Variants in DIAPH2 observed in about 807,000 individuals in gnomAD.
DIAPH2 encodes protein diaphanous homolog 2.
Under a neutral mutation model 92.7 loss-of-function variants are expected in DIAPH2, and 35 were observed. The observed-to-expected ratio is 0.38, with a 90% CI of 0.29 to 0.50. DIAPH2 has a LOEUF of 0.50. Among genes scored for constraint, DIAPH2 ranks in the 20% least tolerant of loss-of-function variants. The pLI is 0.94. For synonymous variants in DIAPH2, 301 were observed against 280.4 expected (o/e 1.07, Z -0.73); for missense variants, 701 against 819.5 (o/e 0.86, Z 1.77).
intron 9 of DIAPH2, among the ~76,000 whole-genome samples, chrX:96,923,855 C>A (rs968423600): frequency 2.7e-5 from 3 of 111,647 alleles, no homozygotes; most frequent in African/African-American, 9.8e-5. Flanking sequence ...TTAGTGATGA[C>A]CCTGACTCAA....
intron 4 of DIAPH2, among the ~76,000 whole-genome samples, chrX:96,862,450 TTTAAG>T: frequency 8.9e-6 from 1 of 111,908 alleles, no homozygotes; most frequent in East Asian, 2.8e-4. Flanking sequence ...TCATCCTTTC[TTTAAG>T]TTCCCTGAAG....
At chrX:96,923,919 T>C (rs2065562993) in intron 9 of DIAPH2, among the ~76,000 whole-genome samples, 1 of 111,913 alleles carries the variant, frequency 8.9e-6, no homozygotes, top group Non-Finnish European at 1.9e-5. Flanking sequence ...GTGGGAATTA[T>C]ATAATTCATT....
At chrX:97,343,265 G>A (rs778459120) in intron 23 of DIAPH2, among the ~76,000 whole-genome samples, 16 of 111,543 alleles carry the variant, frequency 1.4e-4, no homozygotes, top group Admixed American at 4.8e-4. Flanking sequence ...AAATTTGGGC[G>A]TCATCAATAT....
At position 97,040,804 on chromosome X, in the gene DIAPH2, T is replaced by C. The variant is rs749826059; in HGVS notation, c.2051-32137T>C. ...AATTTGAAAATGTGCTATTCATTTT[T>C]TAAATAGACTATTTTGTAGAGCAGT... On this transcript the variant is annotated intron_variant, in intron 17 of 26. Transcript: ENST00000324765. Among the ~76,000 whole-genome samples the C allele has an allele frequency of 9.0e-5, 10 of 110,867 alleles. No individual in the cohort carries two copies. The Admixed American group carries it at 9.6e-4, about 11-fold the overall frequency.
intron 22 of DIAPH2, among the ~76,000 whole-genome samples, chrX:97,204,491 A>G (rs767264321): frequency 8.0e-5 from 9 of 112,271 alleles, no homozygotes; most frequent in South Asian, 3.7e-4. Context: ...TACAAAATCA[A>G]TGTGCAAAAA....
chrX:97,568,691 A>G (rs943483498), intron 26 of DIAPH2, among the ~76,000 whole-genome samples: 6 of 111,888 alleles, frequency 5.4e-5, no homozygotes, highest in African/African-American at 1.3e-4. Context: ...GAGAAAGGAA[A>G]TTTCCTAGAA....
intron 21 of DIAPH2, among the ~76,000 whole-genome samples, chrX:97,134,392 G>A (rs1218355875): frequency 8.9e-6 from 1 of 111,896 alleles, no homozygotes; most frequent in Non-Finnish European, 1.9e-5. Flanking sequence ...ATATGTAAAA[G>A]CAGTTGTGAG....
At chrX:97,122,301 G>A (rs1445063950) in intron 21 of DIAPH2, among the ~76,000 whole-genome samples, 1 of 111,757 alleles carries the variant, frequency 8.9e-6, no homozygotes, top group Non-Finnish European at 1.9e-5. Context: ...TATCCAAGCA[G>A]CAGAGCCTAT....
intron 5 of DIAPH2, among the ~76,000 whole-genome samples, chrX:96,908,596 T>A (rs976676952): frequency 9.0e-6 from 1 of 110,925 alleles, no homozygotes; most frequent in East Asian, 2.8e-4. Context: ...GATTCCTTTT[T>A]TTTGTTTGTT....
chrX:97,217,932 C>T (rs1001300293), intron 22 of DIAPH2, among the ~76,000 whole-genome samples: 3 of 110,460 alleles, frequency 2.7e-5, no homozygotes, highest in Admixed American at 9.7e-5. Flanking sequence ...GGCAACAGAG[C>T]GATATGCCAT....
chrX:96,886,066 G>A (rs918855019), intron 5 of DIAPH2, among the ~76,000 whole-genome samples: 2 of 109,615 alleles, frequency 1.8e-5, no homozygotes, highest in Non-Finnish European at 3.8e-5. Flanking sequence ...TATCCTTGAG[G>A]ATTAATAGTT....
At chrX:97,329,430 T>C (rs1256200778) in intron 23 of DIAPH2, among the ~76,000 whole-genome samples, 2 of 112,459 alleles carry the variant, frequency 1.8e-5, no homozygotes, top group Non-Finnish European at 3.8e-5. Flanking sequence ...CATTAAATCT[T>C]ATTTCAGAGT....
intron 25 of DIAPH2, among the ~76,000 whole-genome samples, chrX:97,422,927 T>G (rs141561009): frequency 4.6e-4 from 51 of 112,042 alleles, no homozygotes; most frequent in African/African-American, 1.5e-3. Flanking sequence ...CACACAAGAC[T>G]CCTGGGTCAG....
At chrX:97,278,837 C>A (rs2068472986) in intron 23 of DIAPH2, among the ~76,000 whole-genome samples, 1 of 112,271 alleles carries the variant, frequency 8.9e-6, no homozygotes, top group Non-Finnish European at 1.9e-5. Context: ...AGGGTCTGCA[C>A]CACTGGTTCT....
intron 22 of DIAPH2, among the ~76,000 whole-genome samples, chrX:97,211,266 G>A (rs747506486): frequency 5.4e-5 from 6 of 111,145 alleles, no homozygotes; most frequent in East Asian, 2.8e-4. Context: ...TATATAAGAT[G>A]AAGTCAGGGC....
At chrX:96,988,693 T>C (rs921529504) in intron 17 of DIAPH2, among the ~76,000 whole-genome samples, 1 of 111,720 alleles carries the variant, frequency 9.0e-6, no homozygotes, top group African/African-American at 3.2e-5. Context: ...ATAAATTGTA[T>C]GGCTTTATCA....
At chrX:97,473,357 C>T (rs1026199891) in intron 26 of DIAPH2, among the ~76,000 whole-genome samples, 19 of 111,277 alleles carry the variant, frequency 1.7e-4, no homozygotes, top group Non-Finnish European at 3.2e-4. Flanking sequence ...ATTTTTGAGA[C>T]AGAGTCTTGC....
At position 97,090,747 on chromosome X, in the gene DIAPH2, T is replaced by G. The variant is rs1039656896; in HGVS notation, c.2248-8947T>G. Among the ~76,000 whole-genome samples the G allele has an allele frequency of 4.5e-5, 5 of 111,442 alleles. No homozygotes were observed. In the Admixed American group the frequency reaches 4.8e-4, roughly 11 times the overall value. ...AAACTCTCCCAGAGTAATCAAAGAC[T>G]ATCTGAGAACAGAAGGTTGAATTAA... On this transcript the variant is annotated intron_variant, in intron 19 of 26. Transcript: ENST00000324765.
rs778550013 is a variant in DIAPH2 at position 96,881,646 on chromosome X, C to T, written c.515C>T (p.Ser172Leu). 31 of 1,204,405 alleles carry T rather than the reference C, an allele frequency of 2.6e-5. No individual in the cohort carries two copies. The East Asian group carries it at 6.5e-4, about 25-fold the overall frequency. Residue 172 changes from serine to leucine, a missense_variant, in exon 5 of 27, where the codon TCG (serine) becomes TTG (leucine). This residue lies in a region of DIAPH2 where 131 missense variants were observed against 145.6 expected (regional missense o/e 0.90). Transcript: ENST00000324765. ...CAAGAATATGTTCATGAATTACGAT[C>T]GGGTATATCAGATGAGAAACTTCTT... Reference protein sequence around the residue: ...SSQEYVHELRSGISDEKLLNC... With the variant: ...SSQEYVHELRLGISDEKLLNC...
Sources: allele counts gnomAD v4.1 joint callset (sites outside exome capture counted in the v4.1 genomes callset), GRCh38; gene constraint gnomAD v4.1.1; regional missense constraint gnomAD v4.1.1; transcripts MANE v1.5; gene names NCBI Gene and HGNC (gene_info 2026-07-23, HGNC 2026-07-21).